STXBP5L: variants seen among roughly 807,000 people sequenced by gnomAD.
The protein encoded by STXBP5L is syntaxin binding protein 5L.
A neutral mutation model predicts 144.5 loss-of-function variants in STXBP5L; 65 were observed. The ratio of observed to expected loss-of-function variants is 0.45; its 90% CI spans 0.37 to 0.55. The LOEUF (loss-of-function observed/expected upper bound fraction) is 0.55, where lower values mean the gene tolerates loss of function less well. STXBP5L is among the 20% of genes least tolerant of loss of function. The pLI is 0.00. For synonymous variants in STXBP5L, 505 were observed against 469.6 expected, an observed-to-expected ratio of 1.08 and a Z score of -0.97; for missense variants, 1,298 against 1,405.5, an observed-to-expected ratio of 0.92 and a Z score of 1.22.
intron 3 of STXBP5L, among the ~76,000 whole-genome samples, chr3:121,012,273 C>T (rs2108141666): frequency 6.6e-6 from 1 of 151,878 alleles, no homozygotes; most frequent in East Asian, 1.9e-4. Context: ...CTTCTATGAA[C>T]ATTTGTGCAC....
intron 9 of STXBP5L, among the ~76,000 whole-genome samples, chr3:121,202,282 A>C (rs1256498028): frequency 6.6e-6 from 1 of 152,154 alleles, no homozygotes; most frequent in African/African-American, 2.4e-5. Flanking sequence ...CTGTAGATTC[A>C]AATTACCAAC....
At chr3:120,977,892 C>T (rs937190747) in intron 3 of STXBP5L, among the ~76,000 whole-genome samples, 7 of 152,170 alleles carry the variant, frequency 4.6e-5, no homozygotes, top group African/African-American at 1.4e-4. Context: ...TTCTGGCTTG[C>T]AGATTTTCTG....
chr3:120,967,406 A>T (rs1939725484), intron 3 of STXBP5L, among the ~76,000 whole-genome samples: 1 of 152,264 alleles, frequency 6.6e-6, no homozygotes, highest in Admixed American at 6.5e-5. Context: ...TGCAGACTGG[A>T]GTTGTTCCTA....
intron 2 of STXBP5L, among the ~76,000 whole-genome samples, chr3:120,922,920 A>T (rs1189445617): frequency 1.3e-5 from 2 of 151,886 alleles, no homozygotes; most frequent in African/African-American, 2.4e-5. Context: ...GAAGAGTTTG[A>T]GTAGAATTGC....
At chr3:121,412,472 G>C (rs2047134364) in intron 23 of STXBP5L, among the ~76,000 whole-genome samples, 1 of 152,032 alleles carries the variant, frequency 6.6e-6, no homozygotes, top group Non-Finnish European at 1.5e-5. Context: ...GGGAACAAAA[G>C]GAAGGAAGGA....
At chr3:121,335,426 T>C (rs2089841) in intron 20 of STXBP5L, among the ~76,000 whole-genome samples, 150,985 of 152,282 alleles carry the variant, frequency 0.99, 74,860 homozygotes, top group East Asian at 1. Flanking sequence ...CAATGACATG[T>C]TTCACAGAAC....
chr3:121,008,076 T>G (rs929608372), intron 3 of STXBP5L, among the ~76,000 whole-genome samples: 4 of 152,012 alleles, frequency 2.6e-5, no homozygotes, highest in African/African-American at 9.7e-5. Context: ...TTCTGCTATT[T>G]TAGGTTTCTT....
chr3:120,943,014 A>G (rs922613537), intron 2 of STXBP5L, among the ~76,000 whole-genome samples: 3 of 151,836 alleles, frequency 2.0e-5, no homozygotes, highest in South Asian at 2.1e-4. Flanking sequence ...AATAATGTCA[A>G]TACAAATCCT....
chr3:121,180,205 A>G (rs1218481178), intron 9 of STXBP5L, among the ~76,000 whole-genome samples: 20 of 152,310 alleles, frequency 1.3e-4, no homozygotes, highest in Admixed American at 1.2e-3. Context: ...CAGGTAACCC[A>G]TAAAGGAAAA....
At chr3:120,913,359 G>A (rs1393406301) in intron 2 of STXBP5L, among the ~76,000 whole-genome samples, 1 of 151,806 alleles carries the variant, frequency 6.6e-6, no homozygotes, top group Non-Finnish European at 1.5e-5. Context: ...TGAGTCCTAG[G>A]CACTTGCATT....
chr3:121,008,429 G>A (rs928451861), intron 3 of STXBP5L, among the ~76,000 whole-genome samples: 5 of 151,966 alleles, frequency 3.3e-5, no homozygotes, highest in African/African-American at 1.2e-4. Context: ...ATATAGACAG[G>A]AAGTGCACAT....
At chr3:121,344,984 T>A (rs1181726766) in intron 20 of STXBP5L, among the ~76,000 whole-genome samples, 2 of 150,758 alleles carry the variant, frequency 1.3e-5, no homozygotes, top group Non-Finnish European at 3.0e-5. Context: ...CACATTTTTG[T>A]ATATATAAAA....
intron 4 of STXBP5L, among the ~76,000 whole-genome samples, chr3:121,043,928 G>A (rs1370975187): frequency 6.6e-6 from 1 of 152,080 alleles, no homozygotes; most frequent in Non-Finnish European, 1.5e-5. Context: ...CCACCTCTCT[G>A]AGAAATGAGA....
chr3:121,091,721 A>G (rs1560118462), intron 5 of STXBP5L, among the ~76,000 whole-genome samples: 2 of 152,080 alleles, frequency 1.3e-5, no homozygotes. Flanking sequence ...CCCATGTTGT[A>G]GGTTGCCTGT....
chr3:121,164,080 A>C (rs1349146601), intron 9 of STXBP5L, among the ~76,000 whole-genome samples: 1 of 152,078 alleles, frequency 6.6e-6, no homozygotes, highest in Non-Finnish European at 1.5e-5. Flanking sequence ...CACTCCCCCC[A>C]AAAACCCCAT....
chr3:120,909,373 CT>C (rs1010370009), intron 1 of STXBP5L, among the ~76,000 whole-genome samples, 197 bp from the exon 2 acceptor site: 1 of 152,044 alleles, frequency 6.6e-6, no homozygotes, highest in African/African-American at 2.4e-5. Context: ...TTATATTTAT[CT>C]TTTTTTAAAA....
At chr3:121,011,602 C>A (rs941280170) in intron 3 of STXBP5L, among the ~76,000 whole-genome samples, 10 of 151,348 alleles carry the variant, frequency 6.6e-5, no homozygotes, top group African/African-American at 2.4e-4. Flanking sequence ...AATGCTGTAA[C>A]AAAGTCTAAG....
In STXBP5L at chr3:121,008,504, C is replaced by G. The variant is rs139308584; in HGVS notation, c.288-33196C>G. Among the ~76,000 whole-genome samples, 143 of 152,094 alleles carry G rather than the reference C, an allele frequency of 9.4e-4. No homozygotes were observed. In the Middle Eastern group the frequency reaches 0.01, roughly 11 times the overall value. On this transcript the variant is annotated intron_variant, in intron 3 of 26. Transcript: ENST00000471454. ...ATTTCTACTTCTACTTTTTGGTTCT[C>G]AAACCTATATATTACAACTAATGGG...
At chr3:121,015,595 C>A (rs2108168573) in intron 3 of STXBP5L, among the ~76,000 whole-genome samples, 1 of 152,300 alleles carries the variant, frequency 6.6e-6, no homozygotes, top group African/African-American at 2.4e-5. Flanking sequence ...ACCCCCAATA[C>A]TTTTCCTTTT....
Sources: allele counts gnomAD v4.1 joint callset (sites outside exome capture counted in the v4.1 genomes callset), GRCh38; gene constraint gnomAD v4.1.1; transcripts MANE v1.5; gene names NCBI Gene and HGNC (gene_info 2026-07-23, HGNC 2026-07-21).